TRHDE: variants seen among roughly 807,000 people sequenced by gnomAD.
TRHDE encodes thyrotropin-releasing hormone-degrading ectoenzyme.
TRHDE carries 72 observed loss-of-function variants against 125.7 expected under a neutral mutation model. That is an observed-to-expected ratio of 0.57 (90% confidence interval 0.47 to 0.70). The LOEUF is 0.70. Among genes scored for constraint, TRHDE ranks in the 30% least tolerant of loss-of-function variants. The pLI is 0.00. For synonymous variants in TRHDE, 509 were observed against 509.1 expected (o/e 1.00, Z 0.00); for missense variants, 1,110 against 1,327.1 (o/e 0.84, Z 2.54).
Position 72,668,034 on chromosome 12 carries a change from A to T in TRHDE, c.*4839A>T, listed in dbSNP as rs1875163273. 6.6e-6 allele frequency: 1 copy of T among 151,720 alleles called. No homozygotes were observed. The allele number at this position is 151,720 out of a possible 1,614,324, so 9.4% of individuals were successfully genotyped here. ...TGTCCTAAGCATAATTTATTTGTTG[A>T]AATTAGTATATGTGAACTTATGAAA... is the stretch of plus-strand genomic sequence containing the variant. On this transcript the variant is annotated 3_prime_UTR_variant, in exon 19 of 19. Transcript: ENST00000261180.
At chr12:72,092,527 G>C (rs1039056317) in intron 1 of TRHDE, among the ~76,000 whole-genome samples, 2 of 152,186 alleles carry the variant, frequency 1.3e-5, no homozygotes, top group African/African-American at 4.8e-5. Context: ...TACGCAGACA[G>C]GTCTTCCTGT....
chr12:72,211,945 T>C (rs1439905692), intron 2 of TRHDE, among the ~76,000 whole-genome samples: 6 of 147,916 alleles, frequency 4.1e-5, no homozygotes, highest in African/African-American at 1.6e-4. Context: ...ATGTTTACAA[T>C]ATATCAAAGA....
At chr12:72,589,184 A>T (rs1871567022) in intron 12 of TRHDE, among the ~76,000 whole-genome samples, 1 of 152,174 alleles carries the variant, frequency 6.6e-6, no homozygotes, top group Admixed American at 6.5e-5. Context: ...CATAGTTGAG[A>T]TGCATGCAGA....
intron 10 of TRHDE, among the ~76,000 whole-genome samples, chr12:72,569,584 A>G (rs912659187): frequency 3.3e-5 from 5 of 152,208 alleles, no homozygotes; most frequent in South Asian, 4.1e-4. Flanking sequence ...ACATATATGT[A>G]TACATGCAAG....
At chr12:72,460,879 T>G (rs1206724691) in intron 3 of TRHDE, among the ~76,000 whole-genome samples, 6 of 152,154 alleles carry the variant, frequency 3.9e-5, no homozygotes, top group Non-Finnish European at 2.9e-5. Flanking sequence ...AAATGTTCCC[T>G]GTGCATATGG....
rs527347023 is a variant in TRHDE at position 72,279,560 on chromosome 12, C to T, written c.914+6003C>T. On this transcript the variant is annotated intron_variant, in intron 1 of 18. Coordinates refer to ENST00000261180, the MANE Select transcript of TRHDE (RefSeq NM_013381.3). ...CTCCCACAGATAGAATTTTACTAGG[C>T]AGAATTTTGGAAAATTCAAACGTGA... Among the ~76,000 whole-genome samples, 3 of 152,330 alleles carry T rather than the reference C, an allele frequency of 2.0e-5. No homozygotes were observed. In the East Asian group the frequency reaches 5.8e-4, roughly 29 times the overall value.
intron 2 of TRHDE, among the ~76,000 whole-genome samples, chr12:72,208,910 A>G (rs1205997957): frequency 6.6e-6 from 1 of 152,148 alleles, no homozygotes; most frequent in East Asian, 1.9e-4. Context: ...CTCTTCTTAG[A>G]GTCTGAAACC....
At chr12:72,088,095 T>C (rs1386350652) in intron 1 of TRHDE, among the ~76,000 whole-genome samples, 1 of 152,082 alleles carries the variant, frequency 6.6e-6, no homozygotes, top group Non-Finnish European at 1.5e-5. Flanking sequence ...ATCCAAGAGG[T>C]TGTGTTTACA....
chr12:72,233,020 T>C (rs1878276180), intron 2 of TRHDE, among the ~76,000 whole-genome samples: 1 of 152,202 alleles, frequency 6.6e-6, no homozygotes, highest in African/African-American at 2.4e-5. Context: ...ATAGTGCCTC[T>C]ACAGGGTAAG....
chr12:72,510,266 TG>T (rs1243600066), intron 6 of TRHDE, among the ~76,000 whole-genome samples: 2 of 152,248 alleles, frequency 1.3e-5, no homozygotes, highest in Non-Finnish European at 2.9e-5. Context: ...ATCACTATTT[TG>T]TGATACTCTT....
At chr12:72,156,554 A>G (rs1490264983) in intron 2 of TRHDE, among the ~76,000 whole-genome samples, 1 of 152,100 alleles carries the variant, frequency 6.6e-6, no homozygotes, top group Non-Finnish European at 1.5e-5. Flanking sequence ...TGAGTCTTAA[A>G]TAGATTGAGT....
At chr12:72,564,631 A>T (rs1245184616) in intron 9 of TRHDE, among the ~76,000 whole-genome samples, 2 of 144,810 alleles carry the variant, frequency 1.4e-5, no homozygotes, top group Non-Finnish European at 3.0e-5. Flanking sequence ...TGTCTTCTGG[A>T]ATTATAAAAT....
chr12:72,561,132 AGTGGGAGTTGCCATTTGCT>A (rs1306917916), intron 7 of TRHDE, among the ~76,000 whole-genome samples: 4 of 152,210 alleles, frequency 2.6e-5, no homozygotes, highest in Non-Finnish European at 5.9e-5. Context: ...CATCTGATTA[AGTGGGAGTTGCCATTTGCT>A]GTGCTGTGAG....
At chr12:72,245,297 C>T (rs553762144) in intron 2 of TRHDE, among the ~76,000 whole-genome samples, 12 of 150,654 alleles carry the variant, frequency 8.0e-5, no homozygotes, top group Non-Finnish European at 1.8e-4. Context: ...CTCTCCATCT[C>T]TTTACATAGG....
intron 2 of TRHDE, among the ~76,000 whole-genome samples, chr12:72,261,681 A>C (rs1231174570): frequency 3.3e-5 from 5 of 152,174 alleles, no homozygotes; most frequent in East Asian, 1.9e-4. Context: ...TAGAAAAGCA[A>C]GTAAATCATC....
chr12:72,604,766 A>G (rs1386536813), intron 12 of TRHDE, among the ~76,000 whole-genome samples: 1 of 152,084 alleles, frequency 6.6e-6, no homozygotes, highest in African/African-American at 2.4e-5. Context: ...TTAGAAAATT[A>G]CTTCTTACAA....
chr12:72,555,698 C>G (rs1869888915), intron 7 of TRHDE, among the ~76,000 whole-genome samples: 1 of 152,088 alleles, frequency 6.6e-6, no homozygotes, highest in Non-Finnish European at 1.5e-5. Flanking sequence ...TCTCCTTGCT[C>G]CTGTTTCTCA....
chr12:72,097,440 ATTTTTTT>A (rs869290442), intron 1 of TRHDE, among the ~76,000 whole-genome samples: 6 of 21,640 alleles, frequency 2.8e-4, no homozygotes, highest in African/African-American at 5.7e-4. Context: ...TTCTCACTGA[ATTTTTTT>A]TTTTTTTTTT....
intron 3 of TRHDE, among the ~76,000 whole-genome samples, chr12:72,417,902 T>G (rs1222524254): frequency 1.3e-5 from 2 of 152,046 alleles, no homozygotes; most frequent in African/African-American, 4.8e-5. Flanking sequence ...TATTTTTTAT[T>G]AAGTGCAGCA....
Sources: gnomAD v4.1 joint callset for allele counts (sites outside exome capture counted in the v4.1 genomes callset) on GRCh38, gnomAD v4.1.1 for gene constraint, MANE v1.5 for transcripts, NCBI Gene and HGNC (gene_info 2026-07-23, HGNC 2026-07-21) for gene names.